Variants in PASD1 observed in about 807,000 individuals in gnomAD.
PASD1 encodes PAS domain containing repressor 1.
A neutral mutation model predicts 58.8 loss-of-function variants in PASD1; 13 were observed. That is an observed-to-expected ratio of 0.22 (90% CI 0.14 to 0.35). The LOEUF is 0.35. PASD1 is among the 10% of genes least tolerant of loss of function. PASD1 has a pLI of 1.00. For missense variants in PASD1, 734 were observed against 568.3 expected (o/e 1.29, Z -2.96); for synonymous variants, 236 against 216.7 (o/e 1.09, Z -0.78).
At chrX:151,585,736 G>T (rs932915465) in intron 1 of PASD1, among the ~76,000 whole-genome samples, 6 of 111,694 alleles carry the variant, frequency 5.4e-5, no homozygotes, top group African/African-American at 2.0e-4. Context: ...ATAGATTGAT[G>T]ATATTCATGC....
intron 1 of PASD1, among the ~76,000 whole-genome samples, chrX:151,595,761 A>T (rs1031057703): frequency 9.0e-6 from 1 of 110,643 alleles, no homozygotes; most frequent in African/African-American, 3.3e-5. Context: ...ATGTGTGCAG[A>T]TTTCTGGAAC....
chrX:151,587,185 T>G (rs1271729627), intron 1 of PASD1, among the ~76,000 whole-genome samples: 1 of 109,981 alleles, frequency 9.1e-6, no homozygotes, highest in Non-Finnish European at 1.9e-5. Context: ...AGAAACACCC[T>G]TTTAAATCTG....
At chrX:151,576,943 T>A (rs898770996) in intron 1 of PASD1, among the ~76,000 whole-genome samples, 43 of 112,149 alleles carry the variant, frequency 3.8e-4, no homozygotes, top group African/African-American at 1.4e-3. Flanking sequence ...TCTTAAGATA[T>A]AACAATTAGA....
intron 1 of PASD1, among the ~76,000 whole-genome samples, chrX:151,585,641 A>G (rs2013153348): frequency 9.0e-6 from 1 of 111,418 alleles, no homozygotes; most frequent in Non-Finnish European, 1.9e-5. Context: ...CAGACAGGCT[A>G]TGGTTGCTGG....
Position 151,599,869 on chromosome X carries a change from C to T in PASD1, c.-27-1658C>T, listed in dbSNP as rs185873377. On this transcript the variant is annotated intron_variant, in intron 1 of 15. Coordinates refer to ENST00000370357, the MANE Select transcript of PASD1 (RefSeq NM_173493.3). ...CTCACTTCCTAGACGGGGTGGCGGC[C>T]GGGCAGAGGCTGCAATCTTGGCACT... Among the ~76,000 whole-genome samples the T allele has an allele frequency of 3.7e-3, 409 of 111,371 alleles. 3 individuals carry two copies. Among genetic ancestry groups the T allele is most frequent in the African/African-American group, 0.012 (362 of 30,615 alleles).
intron 11 of PASD1, among the ~76,000 whole-genome samples, chrX:151,669,279 A>G (rs1473925954): frequency 9.3e-6 from 1 of 107,342 alleles, no homozygotes; most frequent in Non-Finnish European, 1.9e-5. Flanking sequence ...TATACACTAT[A>G]TATATTATGT....
chrX:151,670,942 T>G, intron 11 of PASD1, 96 bp from the exon 12 acceptor site: 1 of 959,875 alleles, frequency 1.0e-6, no homozygotes. Context: ...CCATTTGCAT[T>G]CTCAGTCTTT....
At chrX:151,655,990 C>A (rs924307923) in intron 9 of PASD1, among the ~76,000 whole-genome samples, 2 of 112,002 alleles carry the variant, frequency 1.8e-5, no homozygotes, top group African/African-American at 3.2e-5. Context: ...GGTTTTAGGT[C>A]TAACGTTTAA....
intron 8 of PASD1, among the ~76,000 whole-genome samples, chrX:151,642,080 A>G (rs2014005420): frequency 8.9e-6 from 1 of 112,274 alleles, no homozygotes; most frequent in African/African-American, 3.2e-5. Context: ...AGTTTCCTAA[A>G]ACATTTATAT....
intron 8 of PASD1, among the ~76,000 whole-genome samples, chrX:151,642,359 AT>A (rs1336104303): frequency 8.9e-6 from 1 of 112,405 alleles, no homozygotes; most frequent in African/African-American, 3.2e-5. Flanking sequence ...TCCCTTATCT[AT>A]TCAGTATACT....
intron 9 of PASD1, among the ~76,000 whole-genome samples, chrX:151,657,385 G>A (rs1377728268): frequency 8.9e-6 from 1 of 111,923 alleles, no homozygotes; most frequent in Non-Finnish European, 1.9e-5. Flanking sequence ...AAATGAGTTA[G>A]GGAGGATTCC....
intron 7 of PASD1, among the ~76,000 whole-genome samples, chrX:151,625,102 C>A (rs745639853): frequency 6.2e-5 from 7 of 112,015 alleles, no homozygotes; most frequent in African/African-American, 2.3e-4. Flanking sequence ...GATGTTTGTT[C>A]CATATTAGTG....
chrX:151,602,984 A>C (rs762080747), intron 2 of PASD1, among the ~76,000 whole-genome samples: 2 of 112,368 alleles, frequency 1.8e-5, no homozygotes, highest in African/African-American at 6.5e-5. Flanking sequence ...TTTCTTGTCA[A>C]TCAAATCTTA....
At chrX:151,628,001 T>A (rs1373277408) in intron 8 of PASD1, among the ~76,000 whole-genome samples, 1 of 112,244 alleles carries the variant, frequency 8.9e-6, no homozygotes, top group African/African-American at 3.2e-5. Flanking sequence ...CATAAATGTC[T>A]TCTTTTGAGA....
At chrX:151,655,727 T>G (rs1459438869) in intron 9 of PASD1, among the ~76,000 whole-genome samples, 8 of 112,122 alleles carry the variant, frequency 7.1e-5, no homozygotes, top group African/African-American at 2.6e-4. Context: ...TAAATTTGTT[T>G]GAGTTCATTG....
At chrX:151,641,844 G>A (rs763296821) in intron 8 of PASD1, among the ~76,000 whole-genome samples, 3 of 110,802 alleles carry the variant, frequency 2.7e-5, no homozygotes, top group South Asian at 3.9e-4. Context: ...ACACACACGC[G>A]CGCGCGCGTA....
At chrX:151,579,452 G>A (rs2013054945) in intron 1 of PASD1, among the ~76,000 whole-genome samples, 2 of 112,028 alleles carry the variant, frequency 1.8e-5, no homozygotes, top group Admixed American at 1.9e-4. Flanking sequence ...TAGAATCCAA[G>A]TCAAAGGATA....
chrX:151,628,860 A>T (rs912077505), intron 8 of PASD1, among the ~76,000 whole-genome samples: 2 of 111,026 alleles, frequency 1.8e-5, no homozygotes, highest in African/African-American at 3.3e-5. Context: ...ATCCTCTTTT[A>T]TTTCATTGAG....
At chrX:151,600,251 G>A (rs1425127913) in intron 1 of PASD1, among the ~76,000 whole-genome samples, 3 of 108,448 alleles carry the variant, frequency 2.8e-5, no homozygotes, top group Non-Finnish European at 5.7e-5. Context: ...GAGGGAGACC[G>A]TGCAAAGAGA....
Sources: gnomAD v4.1 joint callset for allele counts (sites outside exome capture counted in the v4.1 genomes callset) on GRCh38, gnomAD v4.1.1 for gene constraint, MANE v1.5 for transcripts, NCBI Gene and HGNC (gene_info 2026-07-23, HGNC 2026-07-21) for gene names.